CDADC1: variants seen among roughly 807,000 people sequenced by gnomAD.
CDADC1 encodes the protein cytidine and dCMP deaminase domain containing 1.
Under a neutral mutation model 54.9 loss-of-function variants are expected in CDADC1, and 39 were observed. That is an observed-to-expected ratio of 0.71 (90% CI 0.55 to 0.93). The LOEUF is 0.93. Ranked by LOEUF, CDADC1 falls within the 40% of genes least tolerant of loss-of-function variation. CDADC1 has a pLI of 0.00. For synonymous variants in CDADC1, 186 were observed against 204.0 expected, an observed-to-expected ratio of 0.91 and a Z score of 0.75; for missense variants, 518 against 618.8, an observed-to-expected ratio of 0.84 and a Z score of 1.73.
At chr13:49,272,798 C>T (rs199955692) in intron 5 of CDADC1, among the ~76,000 whole-genome samples, 1 of 151,862 alleles carries the variant, frequency 6.6e-6, no homozygotes, top group Admixed American at 6.6e-5. Flanking sequence ...GCTGGGATTA[C>T]AGGCATGCAC....
chr13:49,258,180 G>A (rs1478065203), intron 3 of CDADC1, among the ~76,000 whole-genome samples: 1 of 152,100 alleles, frequency 6.6e-6, no homozygotes, highest in African/African-American at 2.4e-5. Context: ...ACTCAAAACC[G>A]AAACTGAAAC....
chr13:49,286,096 G>T, intron 8 of CDADC1, 126 bp from the exon 9 acceptor site: 1 of 718,054 alleles, frequency 1.4e-6, no homozygotes, highest in South Asian at 1.8e-5. Flanking sequence ...TTACAGGTGT[G>T]ACCCACTATG....
chr13:49,268,723 T>C (rs1411994301), intron 5 of CDADC1, among the ~76,000 whole-genome samples: 1 of 152,222 alleles, frequency 6.6e-6, no homozygotes, highest in Non-Finnish European at 1.5e-5. Context: ...TTCAATATTT[T>C]GATGTACTGA....
At chr13:49,256,836 A>C (rs954141716) in intron 3 of CDADC1, among the ~76,000 whole-genome samples, 1 of 152,212 alleles carries the variant, frequency 6.6e-6, no homozygotes, top group African/African-American at 2.4e-5. Flanking sequence ...TTTGTCTCAG[A>C]ATATTTACAT....
At chr13:49,286,374 A>T in intron 9 of CDADC1, 92 bp downstream of exon 9, 1 of 902,120 alleles carries the variant, frequency 1.1e-6, no homozygotes, top group Non-Finnish European at 1.8e-6. Flanking sequence ...TTGTGTTAAT[A>T]GATGGAGCAT....
At chr13:49,286,337 T>A in intron 9 of CDADC1, 55 bp downstream of exon 9, 1 of 1,206,176 alleles carries the variant, frequency 8.3e-7, no homozygotes, top group Non-Finnish European at 1.2e-6. Flanking sequence ...GGATATACAG[T>A]GAATTTTAAT....
intron 8 of CDADC1, among the ~76,000 whole-genome samples, chr13:49,285,257 C>T (rs1220325144): frequency 1.3e-5 from 2 of 149,840 alleles, no homozygotes; most frequent in Non-Finnish European, 3.0e-5. Flanking sequence ...CGGCTCACTG[C>T]AAGCTCCACC....
At chr13:49,262,094 A>G (rs1335832181) in intron 4 of CDADC1, among the ~76,000 whole-genome samples, 1 of 152,174 alleles carries the variant, frequency 6.6e-6, no homozygotes, top group Non-Finnish European at 1.5e-5. Context: ...GTGGTTCTCC[A>G]AGTGTGGTCT....
At chr13:49,286,375 G>C in intron 9 of CDADC1, 93 bp downstream of exon 9, 2 of 893,712 alleles carry the variant, frequency 2.2e-6, no homozygotes, top group Non-Finnish European at 3.6e-6. Context: ...TGTGTTAATA[G>C]ATGGAGCATA....
At chr13:49,255,969 G>T in intron 3 of CDADC1, 56 bp downstream of exon 3, 1 of 1,559,156 alleles carries the variant, frequency 6.4e-7, no homozygotes, top group Non-Finnish European at 8.6e-7. Flanking sequence ...AAAAGGAATA[G>T]TATAAAGTAG....
chr13:49,258,572 C>T (rs1317812357), intron 3 of CDADC1, among the ~76,000 whole-genome samples: 1 of 152,124 alleles, frequency 6.6e-6, no homozygotes, highest in Non-Finnish European at 1.5e-5. Flanking sequence ...TGCTTAGAAC[C>T]CCAGTCAGTA....
intron 5 of CDADC1, among the ~76,000 whole-genome samples, chr13:49,273,779 G>A (rs1394898876): frequency 6.6e-6 from 1 of 152,210 alleles, no homozygotes; most frequent in African/African-American, 2.4e-5. Context: ...ATGTTCGTAT[G>A]AGAAGTTTGA....
chr13:49,264,968 AGAACTG>A (rs1952783042), intron 4 of CDADC1, among the ~76,000 whole-genome samples: 3 of 152,218 alleles, frequency 2.0e-5, no homozygotes, highest in Admixed American at 2.0e-4. Context: ...AGTTACTGGC[AGAACTG>A]GTATTTGAAC....
At chr13:49,285,760 G>A (rs1297473567) in intron 8 of CDADC1, among the ~76,000 whole-genome samples, 6 of 151,738 alleles carry the variant, frequency 4.0e-5, no homozygotes, top group East Asian at 1.9e-4. Flanking sequence ...TCAGTGTGGC[G>A]TTATTAGGGC....
intron 3 of CDADC1, among the ~76,000 whole-genome samples, chr13:49,257,233 GATAA>G (rs1287087547): frequency 6.6e-6 from 1 of 152,142 alleles, no homozygotes; most frequent in African/African-American, 2.4e-5. Context: ...ACAAAAAAGT[GATAA>G]ATAAACTCGA....
Position 49,274,279 on chromosome 13 carries a change from T to A in CDADC1, c.1001-12T>A, listed in dbSNP as rs1953041956. 1 of 1,601,986 alleles carries A rather than the reference T, an allele frequency of 6.2e-7. No homozygotes were observed. Among genetic ancestry groups the A allele is most frequent in the African/African-American group, 1.3e-5 (1 of 74,724 alleles). On this transcript the variant is annotated splice_polypyrimidine_tract_variant and intron_variant, in intron 5 of 9. Transcript: ENST00000251108. ...ATAATTTTTACTGAGTTAAATGCCATATATCTTTCAGAGGATCATAAAACA... is the reference window on the plus strand; with the variant it reads ...ATAATTTTTACTGAGTTAAATGCCAAATATCTTTCAGAGGATCATAAAACA...
rs941094160 is a variant in CDADC1, at chr13:49,273,058, G to A, written c.1001-1233G>A. 5.3e-5 allele frequency among the ~76,000 whole-genome samples: 8 copies of A among 152,274 alleles called. No homozygotes were observed. The South Asian group carries it at 1.7e-3, about 32-fold the overall frequency. On this transcript the variant is annotated intron_variant, in intron 5 of 9. Transcript: ENST00000251108. ...CATGTTTAACATAAATTATACAAATGCTTTGTGGTATAATTTTGAAAACCA... is the reference window on the plus strand; with the variant it reads ...CATGTTTAACATAAATTATACAAATACTTTGTGGTATAATTTTGAAAACCA...
At chr13:49,264,257 G>A (rs1427883112) in intron 4 of CDADC1, among the ~76,000 whole-genome samples, 1 of 152,138 alleles carries the variant, frequency 6.6e-6, no homozygotes, top group Admixed American at 6.5e-5. Flanking sequence ...AGGCAACTTC[G>A]GAGAATGAAG....
intron 3 of CDADC1, among the ~76,000 whole-genome samples, chr13:49,257,723 C>T (rs1180387084): frequency 6.6e-6 from 1 of 152,198 alleles, no homozygotes; most frequent in Non-Finnish European, 1.5e-5. Flanking sequence ...GATAGTGCCA[C>T]TGCACTCCAG....
Sources: allele counts gnomAD v4.1 joint callset (sites outside exome capture counted in the v4.1 genomes callset), GRCh38; gene constraint gnomAD v4.1.1; transcripts MANE v1.5; gene names NCBI Gene and HGNC (gene_info 2026-07-23, HGNC 2026-07-21).